Variants in RPS27A observed in about 807,000 individuals in gnomAD.
The protein encoded by RPS27A is ubiquitin-ribosomal protein eS31 fusion protein.
In RPS27A, 1 loss-of-function variant was observed where a neutral mutation model predicts 18.9. The ratio of observed to expected loss-of-function variants is 0.05; its 90% CI spans 0.02 to 0.25. RPS27A has a LOEUF of 0.25. RPS27A is among the 10% of genes least tolerant of loss of function. The pLI, the probability that RPS27A is intolerant of heterozygous loss-of-function variation, is 1.00. For synonymous variants in RPS27A, 77 were observed against 63.7 expected (o/e 1.21, Z -0.99); for missense variants, 123 against 187.4 (o/e 0.66, Z 2.01).
rs1172579088 is a variant in RPS27A, at chr2:55,235,604, C to G, written c.*27C>G. ...TGTATGAGTTAATAAAAGACATGAA[C>G]TAACATTTATTGTTGGGTTTTATTG... On this transcript the variant is annotated 3_prime_UTR_variant, in exon 6 of 6. Transcript: ENST00000272317. 4 of 1,597,748 alleles carry G rather than the reference C, an allele frequency of 2.5e-6. No individual in the cohort carries two copies. The South Asian group carries it at 4.4e-5, about 18-fold the overall frequency.
intron 2 of RPS27A, 143 bp from the exon 3 acceptor site, chr2:55,233,220 G>T: frequency 1.3e-6 from 1 of 770,214 alleles, no homozygotes; most frequent in Non-Finnish European, 2.3e-6. Context: ...GACTTGGGAG[G>T]TTGCCCACTG....
rs17046786 is a variant in RPS27A at position 55,232,951 on chromosome 2, A to G, written c.48+79A>G. On this transcript the variant is annotated intron_variant, in intron 2 of 5. Coordinates refer to ENST00000272317, the MANE Select transcript of RPS27A (RefSeq NM_002954.6). Reference sequence around the variant, plus strand: ...GATTTTAGGACCGGCGCTGCTTTCCATGTCTTAGACCATGATTCCGAATTT... The same window carrying G: ...GATTTTAGGACCGGCGCTGCTTTCCGTGTCTTAGACCATGATTCCGAATTT... 2,150 of 1,166,998 alleles carry G rather than the reference A, an allele frequency of 1.8e-3. 32 individuals carry two copies. The African/African-American group carries it at 0.029, about 16-fold the overall frequency. 72.3% of individuals were successfully genotyped at this position (1,166,998 alleles called of 1,614,324 possible).
chr2:55,234,923 G>A lies in RPS27A; in HGVS notation c.282G>A (p.Lys94=). The A allele has an allele frequency of 1.9e-6, 3 of 1,613,386 alleles. No homozygotes were observed. Among genetic ancestry groups the A allele is most frequent in the Non-Finnish European group, 2.5e-6 (3 of 1,179,876 alleles). The change falls in exon 5 of 6, where the codon AAG becomes AAA. Residue 94 remains lysine, a synonymous_variant. Transcript: ENST00000272317. The part of the protein sequence containing the change: ...SYTTPKKNKH[K]RKKVKLAVLK... ...CCACTCCCAAGAAGAATAAGCACAAGAGAAAGAAGGTTAAGCTGGCTGTCC... is the reference window on the plus strand; with the variant it reads ...CCACTCCCAAGAAGAATAAGCACAAAAGAAAGAAGGTTAAGCTGGCTGTCC...
Position 55,234,473 on chromosome 2 carries a change from T to G in RPS27A, c.189+269T>G. On this transcript the variant is annotated intron_variant, in intron 4 of 5. Coordinates refer to ENST00000272317, the MANE Select transcript of RPS27A (RefSeq NM_002954.6). ...CACCGTGGCCTCCCAGCGCTGGGAT[T>G]ACAGACGTGAGCCACTCCATGTGGT... 5.4e-6 allele frequency: 3 copies of G among 559,480 alleles called. No individual in the cohort carries two copies. In the South Asian group the frequency reaches 6.2e-5, roughly 12 times the overall value. 34.7% of individuals were successfully genotyped at this position (559,480 alleles called of 1,614,324 possible).
chr2:55,233,064 C>G (rs944244245), intron 2 of RPS27A, 192 bp downstream of exon 2: 23 of 676,006 alleles, frequency 3.4e-5, no homozygotes, highest in East Asian at 1.1e-4. Flanking sequence ...CTGGACCTGT[C>G]TCCTCTCGAG....
Position 55,233,414 on chromosome 2 carries a change from G to A in RPS27A, c.100G>A (p.Glu34Lys). The change falls in exon 3 of 6, where the codon GAA becomes AAA. Residue 34 changes from glutamate (E) to lysine (K), a missense_variant. Transcript: ENST00000272317. ...TGTAAAGGCCAAGATCCAGGATAAG[G>A]AAGGCAAGTAGTATTTTGTAGTTAA... ...ENVKAKIQDK[E>K]GIPPDQQRLI... The A allele has an allele frequency of 2.5e-6, 4 of 1,612,166 alleles. No individual in the cohort carries two copies. Among genetic ancestry groups the A allele is most frequent in the Non-Finnish European group, 3.4e-6 (4 of 1,178,360 alleles).
At position 55,235,576 on chromosome 2, in the gene RPS27A, A is replaced by G. The variant is rs761140913; in HGVS notation, c.470A>G (p.Ter157=). 1.2e-6 allele frequency: 2 copies of G among 1,601,418 alleles called. No individual in the cohort carries two copies. Among genetic ancestry groups the G allele is most frequent in the South Asian group, 2.2e-5 (2 of 91,002 alleles). Reference sequence around the variant, plus strand: ...TGTTTCAACAAACCAGAAGACAAGTAACTGTATGAGTTAATAAAAGACATG... The same window carrying G: ...TGTTTCAACAAACCAGAAGACAAGTGACTGTATGAGTTAATAAAAGACATG... The part of the protein sequence containing the change: ...TYCFNKPEDK[*] Residue 157 remains the stop codon, a stop_retained_variant, in exon 6 of 6, where the codon TAA becomes TGA. Coordinates refer to ENST00000272317, the MANE Select transcript of RPS27A (RefSeq NM_002954.6).
Position 55,232,703 on chromosome 2 carries a change from T to G in RPS27A, c.-23T>G. ...GGCGTTCTTCCTTTTCGATCCGCCA[T>G]CTGCGGTGGGTGTCTGCACTTCGGC... is the stretch of plus-strand genomic sequence containing the variant. On this transcript the variant is annotated 5_prime_UTR_variant, in exon 1 of 6. Coordinates refer to ENST00000272317, the MANE Select transcript of RPS27A (RefSeq NM_002954.6). The G allele has an allele frequency of 2.3e-6, 2 of 884,414 alleles. No homozygotes were observed. Among genetic ancestry groups the G allele is most frequent in the Non-Finnish European group, 3.7e-6 (2 of 539,598 alleles). 54.8% of individuals were successfully genotyped at this position (884,414 alleles called of 1,614,324 possible).
At chr2:55,232,913 A>ATTTAT (rs767801252) in intron 2 of RPS27A, 41 bp downstream of exon 2, 1 of 1,525,622 alleles carries the variant, frequency 6.6e-7, no homozygotes, top group Non-Finnish European at 9.0e-7. Flanking sequence ...GGTCCGAATA[A>ATTTAT]GGTCCTGAGG....
At chr2:55,232,916 T>TC in intron 2 of RPS27A, 44 bp downstream of exon 2, 1 of 1,517,654 alleles carries the variant, frequency 6.6e-7, no homozygotes. Context: ...CCGAATAAGG[T>TC]CCTGAGGTGG....
intron 3 of RPS27A, 96 bp downstream of exon 3, chr2:55,233,513 G>A: frequency 3.5e-6 from 3 of 859,176 alleles, no homozygotes; most frequent in East Asian, 2.5e-5. Context: ...TGGGGGAAGG[G>A]GTCAGATTGA....
chr2:55,232,656 G>C, upstream of RPS27A: 1 of 712,404 alleles, frequency 1.4e-6, no homozygotes, highest in Non-Finnish European at 2.6e-6. Flanking sequence ...CGGGAGCTCC[G>C]GGAAACCCCG....
chr2:55,234,709 G>A (rs1436210360), intron 4 of RPS27A, 122 bp from the exon 5 acceptor site: 5 of 1,096,790 alleles, frequency 4.6e-6, no homozygotes, highest in Non-Finnish European at 6.8e-6. Flanking sequence ...GGGTTTGGGG[G>A]CTGCAAGATT....
At chr2:55,233,810 A>T in intron 3 of RPS27A, 2 of 487,930 alleles carry the variant, frequency 4.1e-6, no homozygotes, top group South Asian at 4.3e-5. Flanking sequence ...TTGTATTTTT[A>T]GTAGAGACTG....
chr2:55,233,153 G>A (rs1558536709), intron 2 of RPS27A: 1 of 650,492 alleles, frequency 1.5e-6, no homozygotes, highest in Non-Finnish European at 2.8e-6. Flanking sequence ...GAGCACGTGT[G>A]GCCCTGCGGC....
rs1254884278 is a variant in RPS27A at position 55,232,718 on chromosome 2, T to C, written c.-18+10T>C. 2.0e-6 allele frequency: 2 copies of C among 988,532 alleles called. No individual in the cohort carries two copies. The highest frequency in any genetic ancestry group is 2.7e-5 in the South Asian group (2 of 73,078). The allele number at this position is 988,532 out of a possible 1,614,324, so 61.2% of individuals were successfully genotyped here. ...CGATCCGCCATCTGCGGTGGGTGTC[T>C]GCACTTCGGCTGCTCTCGGGTTAGC... On this transcript the variant is annotated intron_variant, in intron 1 of 5. Coordinates refer to ENST00000272317, the MANE Select transcript of RPS27A (RefSeq NM_002954.6).
chr2:55,232,915 G>T (rs371010709), intron 2 of RPS27A, 43 bp downstream of exon 2: 12 of 1,518,398 alleles, frequency 7.9e-6, no homozygotes, highest in Non-Finnish European at 1.1e-5. Flanking sequence ...TCCGAATAAG[G>T]TCCTGAGGTG....
chr2:55,235,010 G>A, intron 5 of RPS27A, 48 bp downstream of exon 5: 1 of 1,600,388 alleles, frequency 6.2e-7, no homozygotes, highest in Non-Finnish European at 8.5e-7. Context: ...GGCTTATTTG[G>A]AAAACTTAAT....
chr2:55,235,042 T>C lies in RPS27A; in HGVS notation c.321+80T>C, dbSNP rs959070268. On this transcript the variant is annotated intron_variant, in intron 5 of 5. Transcript: ENST00000272317. ...TAATCTTTATAGTACTTGTCAATAT[T>C]TTCTTGGACTTAAACACCCAATATT... is the stretch of plus-strand genomic sequence containing the variant. 4 of 1,486,012 alleles carry C rather than the reference T, an allele frequency of 2.7e-6. No individual in the cohort carries two copies. The Admixed American group carries it at 5.4e-5, about 20-fold the overall frequency. 92.1% of individuals were successfully genotyped at this position (1,486,012 alleles called of 1,614,324 possible).
Sources: gnomAD v4.1 joint callset for allele counts on GRCh38, gnomAD v4.1.1 for gene constraint, MANE v1.5 for transcripts, NCBI Gene and HGNC (gene_info 2026-07-23, HGNC 2026-07-21) for gene names.